The following GALNT13 variants were observed in gnomAD, a reference collection of about 807,000 sequenced individuals.
GALNT13 encodes polypeptide N-acetylgalactosaminyltransferase 13, also known as UDP-GalNAc:polypeptide N-acetylgalactosaminyltransferase 13.
Under a neutral mutation model 64.2 loss-of-function variants are expected in GALNT13, and 28 were observed. The observed-to-expected ratio is 0.44, with a 90% CI of 0.32 to 0.60. GALNT13 has a LOEUF of 0.60. Ranked by LOEUF, GALNT13 falls within the 20% of genes least tolerant of loss-of-function variation. GALNT13 has a pLI of 0.05. For missense variants in GALNT13, 577 were observed against 669.8 expected, an observed-to-expected ratio of 0.86 and a Z score of 1.53; for synonymous variants, 214 against 224.6, an observed-to-expected ratio of 0.95 and a Z score of 0.42.
intron 9 of GALNT13, among the ~76,000 whole-genome samples, chr2:154,385,397 C>T (rs988713010): frequency 1.3e-5 from 2 of 151,854 alleles, no homozygotes; most frequent in Admixed American, 1.3e-4. Flanking sequence ...GTTCTGTACC[C>T]AGGAAAATAT....
the GALNT13 span, among the ~76,000 whole-genome samples, chr2:153,244,009 T>A: frequency 2.6e-5 from 4 of 151,888 alleles, no homozygotes; most frequent in African/African-American, 9.7e-5. Flanking sequence ...GATGCACTAA[T>A]GCAAACATGA....
intron 3 of GALNT13, among the ~76,000 whole-genome samples, chr2:153,981,366 C>T (rs1047543552): frequency 6.6e-6 from 1 of 152,086 alleles, no homozygotes; most frequent in African/African-American, 2.4e-5. Context: ...TCCCTCCCCA[C>T]TCTGCCCACC....
chr2:153,089,787 TG>T, the GALNT13 span, among the ~76,000 whole-genome samples: 1 of 152,144 alleles, frequency 6.6e-6, no homozygotes, highest in Non-Finnish European at 1.5e-5. Flanking sequence ...AAGTTGTGAT[TG>T]TTTTTTTCTT....
At chr2:154,025,172 C>G (rs1697859492) in intron 3 of GALNT13, among the ~76,000 whole-genome samples, 1 of 152,160 alleles carries the variant, frequency 6.6e-6, no homozygotes, top group Admixed American at 6.6e-5. Context: ...TCTGCCCATT[C>G]TCAGATCTCA....
At chr2:153,428,997 C>T in the GALNT13 span, among the ~76,000 whole-genome samples, 1 of 152,112 alleles carries the variant, frequency 6.6e-6, no homozygotes, top group East Asian at 1.9e-4. Flanking sequence ...GGTTTATGTG[C>T]AATTCTTTTT....
chr2:153,310,598 T>C, the GALNT13 span, among the ~76,000 whole-genome samples: 1 of 152,208 alleles, frequency 6.6e-6, no homozygotes, highest in Non-Finnish European at 1.5e-5. Context: ...TTTCCCTAGC[T>C]TACTTTATTG....
At chr2:153,082,628 C>T in the GALNT13 span, among the ~76,000 whole-genome samples, 990 of 39,080 alleles carry the variant, frequency 0.025, 19 homozygotes, top group African/African-American at 0.034. Context: ...TACACACACA[C>T]ACACACACAC....
chr2:154,062,513 A>G (rs1700240436), intron 3 of GALNT13, among the ~76,000 whole-genome samples: 1 of 152,162 alleles, frequency 6.6e-6, no homozygotes, highest in South Asian at 2.1e-4. Flanking sequence ...GGAGGCCTCT[A>G]GAAACTTACA....
chr2:154,425,919 T>C (rs1574283927), intron 11 of GALNT13, among the ~76,000 whole-genome samples: 1 of 152,230 alleles, frequency 6.6e-6, no homozygotes, highest in East Asian at 1.9e-4. Flanking sequence ...TTCTAGTTTT[T>C]GCATGTTTCC....
the GALNT13 span, among the ~76,000 whole-genome samples, chr2:153,864,627 G>A: frequency 7.9e-5 from 12 of 152,000 alleles, no homozygotes; most frequent in Non-Finnish European, 1.5e-5. Flanking sequence ...ACCTCTTCAA[G>A]AACTACAAAC....
the GALNT13 span, among the ~76,000 whole-genome samples, chr2:153,291,362 A>G: frequency 6.6e-6 from 1 of 152,182 alleles, no homozygotes. Context: ...AAAAGATATC[A>G]ACGTTTTTCA....
At chr2:154,207,870 A>G (rs566239413) in intron 4 of GALNT13, among the ~76,000 whole-genome samples, 49 of 152,172 alleles carry the variant, frequency 3.2e-4, no homozygotes, top group Admixed American at 5.9e-4. Flanking sequence ...AAGTTCCCTC[A>G]GAGAGCATAG....
At chr2:153,315,523 A>G in the GALNT13 span, among the ~76,000 whole-genome samples, 1 of 152,240 alleles carries the variant, frequency 6.6e-6, no homozygotes, top group Non-Finnish European at 1.5e-5. Context: ...ACCAAACAAC[A>G]ATGTTCAAAA....
intron 3 of GALNT13, among the ~76,000 whole-genome samples, chr2:153,953,548 A>G (rs959820882): frequency 6.6e-6 from 1 of 152,324 alleles, no homozygotes; most frequent in East Asian, 1.9e-4. Context: ...GTGTAAGTTC[A>G]CAAAATGATT....
chr2:154,411,951 T>G (rs919914244), intron 11 of GALNT13, among the ~76,000 whole-genome samples: 7 of 151,776 alleles, frequency 4.6e-5, no homozygotes, highest in Non-Finnish European at 5.9e-5. Flanking sequence ...CTAGGAAAAT[T>G]CATTAAAAAA....
At chr2:153,959,114 T>C (rs947817324) in intron 3 of GALNT13, among the ~76,000 whole-genome samples, 10 of 152,160 alleles carry the variant, frequency 6.6e-5, no homozygotes, top group Admixed American at 2.0e-4. Flanking sequence ...AATATTCCCC[T>C]AGGGGGAGGG....
intron 3 of GALNT13, among the ~76,000 whole-genome samples, chr2:154,034,867 T>C (rs1698564253): frequency 6.6e-6 from 1 of 152,118 alleles, no homozygotes; most frequent in African/African-American, 2.4e-5. Flanking sequence ...TGAGGTATCA[T>C]CTTACACCAG....
At chr2:153,984,116 G>A (rs888512138) in intron 3 of GALNT13, among the ~76,000 whole-genome samples, 1 of 151,574 alleles carries the variant, frequency 6.6e-6, no homozygotes, top group Non-Finnish European at 1.5e-5. Flanking sequence ...GAAGTTTAAT[G>A]AAATACCCAA....
chr2:153,852,456 G>A, the GALNT13 span, among the ~76,000 whole-genome samples: 1 of 152,112 alleles, frequency 6.6e-6, no homozygotes, highest in Non-Finnish European at 1.5e-5. Context: ...TTCATCTATA[G>A]GACGTAATCC....
Sources: allele counts gnomAD v4.1 joint callset (sites outside exome capture counted in the v4.1 genomes callset), GRCh38; gene constraint gnomAD v4.1.1; transcripts MANE v1.5; gene names NCBI Gene and HGNC (gene_info 2026-07-23, HGNC 2026-07-21).